The following DLGAP2 variants were observed in gnomAD, a reference collection of about 807,000 sequenced individuals.
DLGAP2 encodes the protein DLG associated protein 2.
DLGAP2 carries 26 observed loss-of-function variants against 100.3 expected under a neutral mutation model. The observed-to-expected ratio is 0.26, with a 90% CI of 0.19 to 0.36. DLGAP2 has a LOEUF of 0.36. Ranked by LOEUF, DLGAP2 falls within the 10% of genes least tolerant of loss-of-function variation. The pLI is 1.00. For synonymous variants in DLGAP2, 886 were observed against 630.1 expected (o/e 1.41, Z -6.08); for missense variants, 1,858 against 1,453.2 (o/e 1.28, Z -4.53).
chr8:1,094,726 G>A (rs1804308774), intron 2 of DLGAP2, among the ~76,000 whole-genome samples: 1 of 152,144 alleles, frequency 6.6e-6, no homozygotes, highest in Non-Finnish European at 1.5e-5. Context: ...GACAAGCTCC[G>A]TGCCTCCCCC....
intron 6 of DLGAP2, among the ~76,000 whole-genome samples, chr8:1,591,494 T>C (rs780266058): frequency 8.6e-5 from 13 of 151,834 alleles, no homozygotes; most frequent in Non-Finnish European, 1.5e-4. Flanking sequence ...TTTTCTAACA[T>C]GGAGAGATGG....
intron 2 of DLGAP2, among the ~76,000 whole-genome samples, chr8:976,153 A>C (rs933253863): frequency 1.3e-5 from 2 of 152,236 alleles, no homozygotes; most frequent in Non-Finnish European, 2.9e-5. Flanking sequence ...TAAGATCTGT[A>C]TGAAGAAAGC....
chr8:1,487,769 T>C (rs142860421), intron 3 of DLGAP2, among the ~76,000 whole-genome samples: 31 of 152,274 alleles, frequency 2.0e-4, no homozygotes, highest in African/African-American at 6.5e-4. Flanking sequence ...GCACCGATTC[T>C]CAGGTCCTCA....
intron 2 of DLGAP2, among the ~76,000 whole-genome samples, chr8:1,041,423 G>T (rs1324832338): frequency 6.6e-6 from 1 of 152,214 alleles, no homozygotes; most frequent in African/African-American, 2.4e-5. Context: ...GACAGAGCCT[G>T]TTTCAAAGCC....
chr8:1,600,643 C>A (rs935646771), intron 6 of DLGAP2, among the ~76,000 whole-genome samples: 2 of 152,100 alleles, frequency 1.3e-5, no homozygotes, highest in East Asian at 3.8e-4. Context: ...TTTCTGATAT[C>A]CTTTCTTCAT....
chr8:1,635,520 T>TATGGGGAG (rs1166157475), intron 8 of DLGAP2, among the ~76,000 whole-genome samples: 7 of 152,196 alleles, frequency 4.6e-5, no homozygotes, highest in Admixed American at 1.3e-4. Context: ...GTGTGTGGTG[T>TATGGGGAG]ATGGGGAGAG....
At chr8:1,488,206 C>G (rs1347451840) in intron 3 of DLGAP2, among the ~76,000 whole-genome samples, 1 of 152,118 alleles carries the variant, frequency 6.6e-6, no homozygotes, top group Non-Finnish European at 1.5e-5. Context: ...CCACACAGTC[C>G]TCCACCCCCC....
At chr8:1,159,976 G>A (rs954792582) in intron 2 of DLGAP2, among the ~76,000 whole-genome samples, 4 of 152,140 alleles carry the variant, frequency 2.6e-5, no homozygotes, top group African/African-American at 4.8e-5. Flanking sequence ...AGGTCTTGGC[G>A]TTGTGGAGGC....
intron 3 of DLGAP2, among the ~76,000 whole-genome samples, chr8:1,284,330 C>G (rs1022141953): frequency 1.3e-5 from 2 of 152,128 alleles, no homozygotes; most frequent in Admixed American, 1.3e-4. Context: ...GTGCAGGTAT[C>G]TGGTATCCGG....
At chr8:1,585,395 C>T (rs150029579) in intron 6 of DLGAP2, among the ~76,000 whole-genome samples, 12,690 of 152,068 alleles carry the variant, frequency 0.083, 989 homozygotes, top group African/African-American at 0.21. Flanking sequence ...ATCTGGGAGG[C>T]GGAGGTTGCA....
chr8:1,255,032 C>A lies in DLGAP2; in HGVS notation c.74-3819C>A, dbSNP rs1585196642. ...TTGGGCGCTGTGTGTGTGTCTTCTC[C>A]TGCCCAGCCGCTGTGTGTGTGTCCT... is the stretch of plus-strand genomic sequence containing the variant. On this transcript the variant is annotated intron_variant, in intron 2 of 14. Transcript: ENST00000637795. Among the ~76,000 whole-genome samples, 113 of 72,416 alleles carry A rather than the reference C, an allele frequency of 1.6e-3. 5 individuals carry two copies. Among genetic ancestry groups the A allele is most frequent in the Middle Eastern group, 7.0e-3 (1 of 142 alleles). 47.5% of individuals were successfully genotyped at this position (72,416 alleles called of 152,430 possible).
intron 7 of DLGAP2, among the ~76,000 whole-genome samples, chr8:1,631,996 G>C (rs1429674907): frequency 6.6e-6 from 1 of 152,012 alleles, no homozygotes; most frequent in South Asian, 2.1e-4. Flanking sequence ...AGGGGGTTCA[G>C]AAAGCTGTTG....
chr8:998,585 C>G (rs1056605721), intron 2 of DLGAP2, among the ~76,000 whole-genome samples: 1 of 152,038 alleles, frequency 6.6e-6, no homozygotes, highest in Admixed American at 6.6e-5. Context: ...TTACAGATGC[C>G]AGCCACCATG....
At chr8:1,361,371 A>T (rs138802194) in intron 3 of DLGAP2, among the ~76,000 whole-genome samples, 1 of 152,184 alleles carries the variant, frequency 6.6e-6, no homozygotes, top group African/African-American at 2.4e-5. Flanking sequence ...TAGGACTTGG[A>T]TTTATCTTTC....
chr8:1,596,260 T>C (rs560720460), intron 6 of DLGAP2, among the ~76,000 whole-genome samples: 14 of 152,368 alleles, frequency 9.2e-5, no homozygotes, highest in African/African-American at 3.4e-4. Flanking sequence ...ATTTTCTTTA[T>C]GCAGTTTATC....
At chr8:1,369,410 G>C (rs972656142) in intron 3 of DLGAP2, 1 of 152,132 alleles carries the variant, frequency 6.6e-6, no homozygotes, top group African/African-American at 2.4e-5. Flanking sequence ...AAGGACCCCA[G>C]TCCTGTTTGA....
chr8:1,082,709 G>A (rs1005672732), intron 2 of DLGAP2, among the ~76,000 whole-genome samples: 1 of 152,084 alleles, frequency 6.6e-6, no homozygotes, highest in Non-Finnish European at 1.5e-5. Flanking sequence ...ACAGGAAGAG[G>A]GTGTGCACTC....
At chr8:797,752 T>C (rs1013467796) in intron 1 of DLGAP2, among the ~76,000 whole-genome samples, 1 of 152,062 alleles carries the variant, frequency 6.6e-6, no homozygotes, top group African/African-American at 2.4e-5. Context: ...TTTTATTTTA[T>C]TTTATTTATT....
chr8:799,764 T>G (rs139499143), intron 1 of DLGAP2, among the ~76,000 whole-genome samples: 112 of 152,282 alleles, frequency 7.4e-4, no homozygotes, highest in African/African-American at 2.6e-3. Context: ...ATCCAGCTAA[T>G]TTTTAATTTC....
Sources: gnomAD v4.1 joint callset for allele counts (sites outside exome capture counted in the v4.1 genomes callset) on GRCh38, gnomAD v4.1.1 for gene constraint, MANE v1.5 for transcripts, NCBI Gene and HGNC (gene_info 2026-07-23, HGNC 2026-07-21) for gene names.